The following NLGN1 variants were observed in gnomAD, a reference collection of about 807,000 sequenced individuals.
The protein encoded by NLGN1 is neuroligin-1.
NLGN1 carries 12 observed loss-of-function variants against 65.5 expected under a neutral mutation model. The observed-to-expected ratio is 0.18, with a 90% CI of 0.12 to 0.30. The LOEUF (loss-of-function observed/expected upper bound fraction) is 0.30, where lower values mean the gene tolerates loss of function less well. Ranked by LOEUF, NLGN1 falls within the 10% of genes least tolerant of loss-of-function variation. The pLI is 1.00. For missense variants in NLGN1, 750 were observed against 1,007.1 expected (o/e 0.74, Z 3.46); for synonymous variants, 350 against 359.5 (o/e 0.97, Z 0.30).
intron 2 of NLGN1, among the ~76,000 whole-genome samples, chr3:173,581,244 G>T (rs1206075385): frequency 6.6e-6 from 1 of 151,914 alleles, no homozygotes; most frequent in Admixed American, 6.6e-5. Flanking sequence ...CTAATATTTG[G>T]TATCTCTTTT....
intron 3 of NLGN1, among the ~76,000 whole-genome samples, chr3:173,627,577 C>A (rs369610577): frequency 6.6e-6 from 1 of 151,988 alleles, no homozygotes; most frequent in African/African-American, 2.4e-5. Context: ...ATTGCTAGAT[C>A]ATATGGTAGT....
At chr3:173,948,047 C>T (rs147165834) in intron 4 of NLGN1, among the ~76,000 whole-genome samples, 2 of 152,264 alleles carry the variant, frequency 1.3e-5, no homozygotes, top group Non-Finnish European at 2.9e-5. Flanking sequence ...TGTCTGTTTT[C>T]TAAAGTTAGC....
chr3:173,611,540 T>TA (rs1752292713), intron 3 of NLGN1, among the ~76,000 whole-genome samples: 1 of 152,180 alleles, frequency 6.6e-6, no homozygotes, highest in South Asian at 2.1e-4. Context: ...CTAGTTCACT[T>TA]AGAGTTTGAA....
intron 3 of NLGN1, among the ~76,000 whole-genome samples, chr3:173,650,304 A>G (rs1294757749): frequency 3.3e-5 from 5 of 152,168 alleles, no homozygotes; most frequent in Non-Finnish European, 2.9e-5. Context: ...TGATGGCACA[A>G]TGAATAAACT....
intron 3 of NLGN1, among the ~76,000 whole-genome samples, chr3:173,785,169 C>A (rs1471684059): frequency 6.6e-6 from 1 of 152,206 alleles, no homozygotes; most frequent in Admixed American, 6.5e-5. Flanking sequence ...GGCTTCTGCA[C>A]TCGGCAGGGG....
At chr3:174,189,559 A>G in intron 4 of NLGN1, among the ~76,000 whole-genome samples, 1 of 151,932 alleles carries the variant, frequency 6.6e-6, no homozygotes, top group East Asian at 1.9e-4. Context: ...ATTTTATTTG[A>G]GGTACTGGGA....
intron 4 of NLGN1, among the ~76,000 whole-genome samples, chr3:173,848,327 C>G (rs1270744004): frequency 6.6e-6 from 1 of 152,108 alleles, no homozygotes; most frequent in Non-Finnish European, 1.5e-5. Flanking sequence ...AGACAGTGAA[C>G]CTTACAGAAG....
At chr3:173,431,715 T>G (rs1717198698) in intron 1 of NLGN1, among the ~76,000 whole-genome samples, 1 of 152,188 alleles carries the variant, frequency 6.6e-6, no homozygotes, top group Admixed American at 6.5e-5. Flanking sequence ...GAATCCACAT[T>G]GACACATCAT....
At chr3:173,671,193 G>A (rs1762397127) in intron 3 of NLGN1, among the ~76,000 whole-genome samples, 1 of 152,120 alleles carries the variant, frequency 6.6e-6, no homozygotes, top group African/African-American at 2.4e-5. Flanking sequence ...AACCTATAGC[G>A]AAATAATATC....
At chr3:174,066,350 C>A (rs1160604779) in intron 4 of NLGN1, among the ~76,000 whole-genome samples, 1 of 151,760 alleles carries the variant, frequency 6.6e-6, no homozygotes, top group Admixed American at 6.6e-5. Context: ...AAAGGAAAAA[C>A]TGAAATCATA....
chr3:173,693,265 AT>A (rs924359449), intron 3 of NLGN1, among the ~76,000 whole-genome samples: 1 of 151,646 alleles, frequency 6.6e-6, no homozygotes, highest in African/African-American at 2.4e-5. Flanking sequence ...GAACACCAGA[AT>A]TTTTTTTTAA....
chr3:174,098,631 A>G (rs1711649597), intron 4 of NLGN1, among the ~76,000 whole-genome samples: 2 of 152,288 alleles, frequency 1.3e-5, no homozygotes, highest in African/African-American at 4.8e-5. Context: ...TTCCCTGTGC[A>G]TTGAAATCAC....
chr3:173,901,903 G>C (rs1737452446), intron 4 of NLGN1, among the ~76,000 whole-genome samples: 1 of 152,062 alleles, frequency 6.6e-6, no homozygotes, highest in Non-Finnish European at 1.5e-5. Flanking sequence ...TATATATTGA[G>C]ACTTCAGACA....
At chr3:173,887,556 T>A (rs1734580646) in intron 4 of NLGN1, among the ~76,000 whole-genome samples, 1 of 151,948 alleles carries the variant, frequency 6.6e-6, no homozygotes, top group South Asian at 2.1e-4. Context: ...CTTTAAGTGA[T>A]TTCCTAAAGG....
chr3:174,197,518 C>CAAAAAA (rs10663769), intron 4 of NLGN1, among the ~76,000 whole-genome samples: 1 of 100,398 alleles, frequency 1.0e-5, no homozygotes, highest in Non-Finnish European at 1.9e-5. Context: ...TACTTAACCT[C>CAAAAAA]AAAAAAAAAA....
chr3:173,651,039 A>G (rs1577739802), intron 3 of NLGN1, among the ~76,000 whole-genome samples: 1 of 151,928 alleles, frequency 6.6e-6, no homozygotes, highest in African/African-American at 2.4e-5. Context: ...CTTGAATAAT[A>G]TACATTGTAT....
At chr3:173,638,402 C>T (rs1276586515) in intron 3 of NLGN1, among the ~76,000 whole-genome samples, 1 of 150,060 alleles carries the variant, frequency 6.7e-6, no homozygotes, top group Non-Finnish European at 1.5e-5. Context: ...AAAAAAAACC[C>T]AATAAATTTG....
At chr3:173,516,114 T>C (rs1457021643) in intron 2 of NLGN1, among the ~76,000 whole-genome samples, 1 of 152,124 alleles carries the variant, frequency 6.6e-6, no homozygotes, top group East Asian at 1.9e-4. Flanking sequence ...ATATATAGAA[T>C]GTACCATCTT....
At chr3:173,795,584 CT>C (rs1713863011) in intron 3 of NLGN1, among the ~76,000 whole-genome samples, 1 of 152,044 alleles carries the variant, frequency 6.6e-6, no homozygotes, top group Non-Finnish European at 1.5e-5. Context: ...AATTCAATAA[CT>C]TTGCAATGAC....
Sources: gnomAD v4.1 joint callset for allele counts (sites outside exome capture counted in the v4.1 genomes callset) on GRCh38, gnomAD v4.1.1 for gene constraint, MANE v1.5 for transcripts, NCBI Gene and HGNC (gene_info 2026-07-23, HGNC 2026-07-21) for gene names.